FAM171A1: variants seen among roughly 807,000 people sequenced by gnomAD.
FAM171A1 encodes family with sequence similarity 171 member A1, also known as protein FAM171A1.
FAM171A1 carries 23 observed loss-of-function variants against 74.9 expected under a neutral mutation model. The ratio of observed to expected loss-of-function variants is 0.31; its 90% CI spans 0.22 to 0.44. The LOEUF (loss-of-function observed/expected upper bound fraction) is 0.44, where lower values mean the gene tolerates loss of function less well. FAM171A1 is among the 20% of genes least tolerant of loss of function. The pLI, the probability that FAM171A1 is intolerant of heterozygous loss-of-function variation, is 1.00. For missense variants in FAM171A1, 1,162 were observed against 1,159.2 expected (o/e 1.00, Z -0.03); for synonymous variants, 527 against 505.7 (o/e 1.04, Z -0.57).
chr10:15,351,578 T>TGGATGGATGGAC (rs1343347126), intron 1 of FAM171A1, among the ~76,000 whole-genome samples: 1 of 150,244 alleles, frequency 6.7e-6, no homozygotes, highest in Admixed American at 6.6e-5. Flanking sequence ...GATGGATGGA[T>TGGATGGATGGAC]GGATGGATGG....
chr10:15,251,687 C>G (rs947598190), intron 4 of FAM171A1, among the ~76,000 whole-genome samples: 1 of 152,100 alleles, frequency 6.6e-6, no homozygotes, highest in South Asian at 2.1e-4. Context: ...GCTGGGATTA[C>G]AGGTGTGAGC....
rs1186851900 is a variant in FAM171A1, at chr10:15,213,617, GC to G, written c.1970del (p.Ser657ThrfsTer17). The G allele has an allele frequency of 6.2e-7, 1 of 1,614,176 alleles. No individual in the cohort carries two copies. ...ACTCCGACATGGATGCGTTCTGAGG[GC>G]TCCACTCCCGGGTGCCCGCATCCTG... The part of the protein sequence containing the change: ...HLQDAGTREW[S>X]PQNASMSESL... On this transcript the variant is annotated frameshift_variant, in exon 8 of 8. Transcript: ENST00000378116. LOFTEE classifies it high-confidence loss of function. This position sits in a 1 kb window ranked among gnomAD's most constrained non-coding sequence, Gnocchi z 6.8.
chr10:15,290,114 G>C (rs1835085638), intron 1 of FAM171A1, among the ~76,000 whole-genome samples: 1 of 152,128 alleles, frequency 6.6e-6, no homozygotes, highest in Non-Finnish European at 1.5e-5. Context: ...TGTAGTCTCA[G>C]CTACTTGGGA....
chr10:15,305,664 TAAAAA>T (rs59843893), intron 1 of FAM171A1, among the ~76,000 whole-genome samples: 7 of 52,940 alleles, frequency 1.3e-4, no homozygotes, highest in Non-Finnish European at 2.3e-4. Flanking sequence ...GAGATCTGGC[TAAAAA>T]AAAAAAAAAA....
At chr10:15,266,381 G>A (rs7913934) in intron 3 of FAM171A1, among the ~76,000 whole-genome samples, 16,952 of 152,144 alleles carry the variant, frequency 0.11, 1,113 homozygotes, top group Middle Eastern at 0.17. Context: ...AAGCCCCTCG[G>A]CTGCCAGGGG....
At chr10:15,242,466 C>A (rs1834374995) in intron 5 of FAM171A1, among the ~76,000 whole-genome samples, 1 of 152,178 alleles carries the variant, frequency 6.6e-6, no homozygotes. Flanking sequence ...TTGGCAGTTA[C>A]ATTTTTCATA....
intron 1 of FAM171A1, among the ~76,000 whole-genome samples, chr10:15,292,085 G>A (rs1181249676): frequency 6.6e-6 from 1 of 152,164 alleles, no homozygotes; most frequent in African/African-American, 2.4e-5. Flanking sequence ...GGTATCTGGT[G>A]AGGGCTCACC....
chr10:15,354,934 A>G (rs1835916779), intron 1 of FAM171A1, among the ~76,000 whole-genome samples: 1 of 152,238 alleles, frequency 6.6e-6, no homozygotes, highest in African/African-American at 2.4e-5. Flanking sequence ...GCTGATTCAA[A>G]TTATCTGACT....
intron 1 of FAM171A1, among the ~76,000 whole-genome samples, chr10:15,339,742 C>T (rs1835742646): frequency 6.6e-6 from 1 of 152,174 alleles, no homozygotes; most frequent in African/African-American, 2.4e-5. Context: ...AAGACTTATG[C>T]TCCCTGTATT....
intron 3 of FAM171A1, among the ~76,000 whole-genome samples, chr10:15,257,714 AAC>A (rs1834598868): frequency 6.6e-6 from 1 of 152,166 alleles, no homozygotes; most frequent in Non-Finnish European, 1.5e-5. Context: ...TGAGGGACTA[AAC>A]ACCCCACCAC....
At chr10:15,347,176 C>CT (rs1835826005) in intron 1 of FAM171A1, among the ~76,000 whole-genome samples, 1 of 152,172 alleles carries the variant, frequency 6.6e-6, no homozygotes. Context: ...AAGACTTATT[C>CT]AAGATGCCAT....
chr10:15,353,030 C>T (rs1044568355), intron 1 of FAM171A1, among the ~76,000 whole-genome samples: 13 of 152,298 alleles, frequency 8.5e-5, no homozygotes, highest in South Asian at 8.3e-4. Context: ...CTCTGTGCTC[C>T]GGCAGATGGG....
chr10:15,342,859 G>C (rs969435495), intron 1 of FAM171A1, among the ~76,000 whole-genome samples: 1 of 152,164 alleles, frequency 6.6e-6, no homozygotes, highest in Admixed American at 6.5e-5. Context: ...ATGGATTTTT[G>C]ATCATTTGGA....
intron 1 of FAM171A1, among the ~76,000 whole-genome samples, chr10:15,302,060 T>C (rs1467408218): frequency 6.6e-6 from 1 of 152,192 alleles, no homozygotes; most frequent in Non-Finnish European, 1.5e-5. Flanking sequence ...AATCACCCTT[T>C]GCTGGGGATG....
chr10:15,276,865 T>C (rs1834901759), intron 2 of FAM171A1, among the ~76,000 whole-genome samples: 1 of 152,036 alleles, frequency 6.6e-6, no homozygotes, highest in Non-Finnish European at 1.5e-5. Context: ...TCAAAATTTT[T>C]TGTAGAGACA....
Position 15,370,946 on chromosome 10 carries a change from G to A in FAM171A1, c.97+10C>T. ...ACACAAAGCCCCCGGCCCCGCCGCC[G>A]CCCACTGACCTTGGGCTCCGGCGCC... On this transcript the variant is annotated intron_variant, in intron 1 of 7. Coordinates refer to ENST00000378116, the MANE Select transcript of FAM171A1 (RefSeq NM_001010924.2). 8.8e-7 allele frequency: 1 copy of A among 1,140,486 alleles called. No individual in the cohort carries two copies. The highest frequency in any genetic ancestry group is 1.1e-6 in the Non-Finnish European group (1 of 910,786). The allele number at this position is 1,140,486 out of a possible 1,614,324, so 70.6% of individuals were successfully genotyped here. A position where few individuals can be genotyped will look rare whatever the true frequency, so the allele number is the denominator to read the frequency against.
chr10:15,349,010 T>G (rs1835848670), intron 1 of FAM171A1, among the ~76,000 whole-genome samples: 1 of 152,244 alleles, frequency 6.6e-6, no homozygotes, highest in African/African-American at 2.4e-5. Context: ...AACTTTAAAT[T>G]ATTTACATGA....
chr10:15,212,665 C>T lies in FAM171A1; in HGVS notation c.*250G>A, dbSNP rs1031937172. 1.5e-5 allele frequency: 8 copies of T among 551,094 alleles called. No homozygotes were observed. The highest frequency in any genetic ancestry group is 5.7e-5 in the African/African-American group (3 of 52,318). 34.1% of individuals were successfully genotyped at this position (551,094 alleles called of 1,614,324 possible). ...CCTGGTGGCGGATACGCCGAGTCCT[C>T]GGAAGGACATCTGGACACCACTTTC... On this transcript the variant is annotated 3_prime_UTR_variant, in exon 8 of 8. Coordinates refer to ENST00000378116, the MANE Select transcript of FAM171A1 (RefSeq NM_001010924.2).
At chr10:15,267,264 G>A (rs1834757075) in intron 3 of FAM171A1, among the ~76,000 whole-genome samples, 1 of 152,194 alleles carries the variant, frequency 6.6e-6, no homozygotes, top group Admixed American at 6.5e-5. Context: ...ACCGATGACT[G>A]TGACATCAGG....
Sources: allele counts gnomAD v4.1 joint callset (sites outside exome capture counted in the v4.1 genomes callset), GRCh38; gene constraint gnomAD v4.1.1; non-coding constraint Gnocchi (gnomAD v3.1); transcripts MANE v1.5; gene names NCBI Gene and HGNC (gene_info 2026-07-23, HGNC 2026-07-21).